The following POLR3H variants were observed in gnomAD, a reference collection of about 807,000 sequenced individuals.
The protein encoded by POLR3H is DNA-directed RNA polymerase III subunit RPC8.
In POLR3H, 17 loss-of-function variants were observed where a neutral mutation model predicts 25.5. The observed-to-expected ratio is 0.67, with a 90% confidence interval of 0.46 to 1.00. POLR3H has a LOEUF of 1.00. POLR3H is among the 50% of genes least tolerant of loss of function. POLR3H has a pLI of 0.00. For synonymous variants in POLR3H, 129 were observed against 103.0 expected, an observed-to-expected ratio of 1.25 and a Z score of -1.53; for missense variants, 274 against 265.0, an observed-to-expected ratio of 1.03 and a Z score of -0.24.
Position 41,527,726 on chromosome 22 carries a change from A to G in POLR3H, c.*1557T>C. 2 of 1,064,106 alleles carry G rather than the reference A, an allele frequency of 1.9e-6. No homozygotes were observed. The highest frequency in any genetic ancestry group is 2.5e-5 in the East Asian group (1 of 39,398). The allele number at this position is 1,064,106 out of a possible 1,614,324, so 65.9% of individuals were successfully genotyped here. A position where few individuals can be genotyped will look rare whatever the true frequency, so the allele number is the denominator to read the frequency against. On this transcript the variant is annotated 3_prime_UTR_variant, in exon 6 of 6. Coordinates refer to ENST00000355209, the MANE Select transcript of POLR3H (RefSeq NM_001018050.4). ...CTCGCAGACCTCAGCACCAGCGCACACTTGCTAGGGGCACCCCTAGTGAAA... is the reference window on the plus strand; with the variant it reads ...CTCGCAGACCTCAGCACCAGCGCACGCTTGCTAGGGGCACCCCTAGTGAAA...
chr22:41,533,312 T>C (rs921574622), intron 2 of POLR3H, among the ~76,000 whole-genome samples: 6 of 152,172 alleles, frequency 3.9e-5, no homozygotes, highest in African/African-American at 1.4e-4. Context: ...CCCCAGGCCC[T>C]GGCATTAGCT....
chr22:41,531,348 G>A (rs947820336), intron 4 of POLR3H, among the ~76,000 whole-genome samples: 2 of 152,258 alleles, frequency 1.3e-5, no homozygotes, highest in African/African-American at 4.8e-5. Flanking sequence ...CAGGTGGTGA[G>A]AGAACCAGCC....
At chr22:41,532,618 G>A (rs949435729) in intron 3 of POLR3H, 41 bp downstream of exon 3, 1 of 1,613,822 alleles carries the variant, frequency 6.2e-7, no homozygotes, top group Admixed American at 1.7e-5. Context: ...TGCCCCCACA[G>A]TGTTCCCAAG....
rs905072275 is a variant in POLR3H, at chr22:41,527,541, G to A, written c.*1742C>T. ...TGTGTCCACTGCAGCCCACAGGCCC[G>A]TCAGCCTCTTGCCCCTTCTTAGGCT... On this transcript the variant is annotated 3_prime_UTR_variant, in exon 6 of 6. Coordinates refer to ENST00000355209, the MANE Select transcript of POLR3H (RefSeq NM_001018050.4). 3.9e-5 allele frequency: 53 copies of A among 1,366,784 alleles called. 1 individual carries two copies. Among genetic ancestry groups the A allele is most frequent in the Middle Eastern group, 2.7e-4 (1 of 3,730 alleles). 84.7% of individuals were successfully genotyped at this position (1,366,784 alleles called of 1,614,324 possible).
intron 5 of POLR3H, among the ~76,000 whole-genome samples, 157 bp from the exon 6 acceptor site, chr22:41,529,493 T>C (rs1601942787): frequency 6.6e-6 from 1 of 152,358 alleles, no homozygotes; most frequent in East Asian, 1.9e-4. Flanking sequence ...GCCACAGCAG[T>C]GCTCCCAACG....
intron 5 of POLR3H, chr22:41,529,831 C>T (rs534940987): frequency 2.9e-4 from 115 of 394,974 alleles, no homozygotes; most frequent in African/African-American, 2.3e-3. Context: ...TCTTGGCTCA[C>T]TGCAACCTCC....
chr22:41,544,273 TACA>T lies in POLR3H; in HGVS notation c.-175_-173del. ...CCCGGTCCGGGCCATGCTCCGCTAC[TACA>T]ACATGAGGAAACTGAGGCCAGAGGG... On this transcript the variant is annotated 5_prime_UTR_variant, in exon 1 of 6. An upstream open reading frame in the 5' UTR gains an earlier in-frame stop. Coordinates refer to ENST00000355209, the MANE Select transcript of POLR3H (RefSeq NM_001018050.4). 2 of 571,372 alleles carry T rather than the reference TACA, an allele frequency of 3.5e-6. No individual in the cohort carries two copies. The highest frequency in any genetic ancestry group is 6.3e-6 in the Non-Finnish European group (2 of 319,334). The allele number at this position is 571,372 out of a possible 1,614,324, so 35.4% of individuals were successfully genotyped here.
intron 2 of POLR3H, among the ~76,000 whole-genome samples, chr22:41,535,878 C>CAGA (rs1349818295): frequency 6.6e-6 from 1 of 152,016 alleles, no homozygotes; most frequent in Non-Finnish European, 1.5e-5. Flanking sequence ...GAGGCTGAGG[C>CAGA]AGAATTGCTT....
intron 1 of POLR3H, among the ~76,000 whole-genome samples, chr22:41,542,581 G>A (rs1053082442): frequency 2.6e-5 from 4 of 152,148 alleles, no homozygotes; most frequent in African/African-American, 9.7e-5. Context: ...TTCCACAGGT[G>A]TGTGAACACC....
rs2076197 is a variant in POLR3H, at chr22:41,530,920, G to C, written c.360-32C>G. On this transcript the variant is annotated intron_variant, in intron 4 of 5. Coordinates refer to ENST00000355209, the MANE Select transcript of POLR3H (RefSeq NM_001018050.4). ...GGGTCCAGGGTCAAGGCAGCAACCA[G>C]ATAGTGGGAGGGGCTTCCCTCAGCA... 5.1e-4 allele frequency: 820 copies of C among 1,607,438 alleles called. 14 individuals carry two copies. The East Asian group carries it at 0.017, about 34-fold the overall frequency.
At chr22:41,540,851 G>T (rs2066917834) in intron 1 of POLR3H, 56 bp from the exon 2 acceptor site, 1 of 1,359,920 alleles carries the variant, frequency 7.4e-7, no homozygotes, top group East Asian at 2.3e-5. Context: ...GTGACCACAG[G>T]CCCAGCTCCC....
intron 3 of POLR3H, 84 bp from the exon 4 acceptor site, chr22:41,532,241 A>G: frequency 1.4e-6 from 2 of 1,381,050 alleles, no homozygotes; most frequent in Non-Finnish European, 2.1e-6. Context: ...TTGACAGGCA[A>G]GCCCTGCCTG....
At chr22:41,529,848 C>G (rs976503612) in intron 5 of POLR3H, among the ~76,000 whole-genome samples, 1 of 151,744 alleles carries the variant, frequency 6.6e-6, no homozygotes, top group East Asian at 1.9e-4. Flanking sequence ...CTCCACCTCC[C>G]GGGTTCACAC....
chr22:41,529,984 T>C (rs1028435450), intron 5 of POLR3H, among the ~76,000 whole-genome samples: 3 of 152,082 alleles, frequency 2.0e-5, no homozygotes, highest in African/African-American at 7.2e-5. Flanking sequence ...CTCAATCTCC[T>C]GACCTCGTGA....
Position 41,527,019 on chromosome 22 carries a change from TG to T in POLR3H, c.*2263del. Reference sequence around the variant, plus strand: ...CACCCAACCTCCCTCCACACACACCTGCCTCTGCCAAGCACCAATGGGTGGC... The same window carrying T: ...CACCCAACCTCCCTCCACACACACCTCCTCTGCCAAGCACCAATGGGTGGC... On this transcript the variant is annotated 3_prime_UTR_variant, in exon 6 of 6. Transcript: ENST00000355209. The T allele has an allele frequency of 1.8e-6, 1 of 545,680 alleles. No homozygotes were observed. Among genetic ancestry groups the T allele is most frequent in the Non-Finnish European group, 3.3e-6 (1 of 305,640 alleles). 33.8% of individuals were successfully genotyped at this position (545,680 alleles called of 1,614,324 possible). A position where few individuals can be genotyped will look rare whatever the true frequency, so the allele number is the denominator to read the frequency against.
chr22:41,534,615 C>G (rs763256473), intron 2 of POLR3H, among the ~76,000 whole-genome samples: 1 of 151,862 alleles, frequency 6.6e-6, no homozygotes, highest in Admixed American at 6.6e-5. Flanking sequence ...AATGGCCCCG[C>G]GCACGGTGGC....
At chr22:41,531,548 C>T (rs78713956) in intron 4 of POLR3H, among the ~76,000 whole-genome samples, 5,950 of 152,292 alleles carry the variant, frequency 0.039, 372 homozygotes, top group African/African-American at 0.13. Context: ...TGCTGTGCAC[C>T]GTGGGTACAG....
Position 41,527,185 on chromosome 22 carries a change from A to G in POLR3H, c.*2098T>C. On this transcript the variant is annotated 3_prime_UTR_variant, in exon 6 of 6. Coordinates refer to ENST00000355209, the MANE Select transcript of POLR3H (RefSeq NM_001018050.4). ...CTCCAGCCCCTTTACCGGGAGCCTC[A>G]GGATGCCCAGGCGCCAGGTGGGTGA... 6.4e-7 allele frequency: 1 copy of G among 1,566,462 alleles called. No homozygotes were observed. The highest frequency in any genetic ancestry group is 8.7e-7 in the Non-Finnish European group (1 of 1,144,986).
At position 41,544,095 on chromosome 22, in the gene POLR3H, C is replaced by G; in HGVS notation, c.7G>C (p.Val3Leu). The change falls in exon 1 of 6, where the codon GTC (valine) becomes CTC (leucine). Residue 3 changes from valine to leucine, a missense_variant. Physicochemically the swap from Val to Leu is conservative, Grantham distance 32. Coordinates refer to ENST00000355209, the MANE Select transcript of POLR3H (RefSeq NM_001018050.4). ...ACGGTGTCCACCATTTCCACCAGGA[C>G]GAACATCCCGGCCTGCGCTGGGGGC... is the stretch of plus-strand genomic sequence containing the variant. MFVLVEMVDTVRI... is the reference protein window; with the variant it reads MFLLVEMVDTVRI... 5 of 1,609,570 alleles carry G rather than the reference C, an allele frequency of 3.1e-6. No homozygotes were observed. Among genetic ancestry groups the G allele is most frequent in the Non-Finnish European group, 3.4e-6 (4 of 1,176,186 alleles).
Sources: allele counts gnomAD v4.1 joint callset (sites outside exome capture counted in the v4.1 genomes callset), GRCh38; gene constraint gnomAD v4.1.1; transcripts MANE v1.5; gene names NCBI Gene and HGNC (gene_info 2026-07-23, HGNC 2026-07-21).